Variants in TRIM26 observed in about 807,000 individuals in gnomAD.
The protein encoded by TRIM26 is tripartite motif containing 26.
A neutral mutation model predicts 45.5 loss-of-function variants in TRIM26; 16 were observed. That is an observed-to-expected ratio of 0.35 (90% confidence interval 0.24 to 0.53). The LOEUF is 0.53. Among genes scored for constraint, TRIM26 ranks in the 20% least tolerant of loss-of-function variants. The pLI is 0.92. For missense variants in TRIM26, 442 were observed against 691.1 expected (o/e 0.64, Z 4.04); for synonymous variants, 273 against 290.4 (o/e 0.94, Z 0.61).
rs1776710806 is a variant in TRIM26 at position 30,198,368 on chromosome 6, A to G, written c.534+61T>C. 6.3e-7 allele frequency: 1 copy of G among 1,589,994 alleles called. No individual in the cohort carries two copies. Among genetic ancestry groups the G allele is most frequent in the Non-Finnish European group, 8.6e-7 (1 of 1,161,800 alleles). On this transcript the variant is annotated intron_variant, in intron 5 of 9. Transcript: ENST00000454678. This position sits in a 1 kb window ranked among gnomAD's most constrained non-coding sequence, Gnocchi z 6.3. ...CCTCCCAGCTGCCGCCTACTTGCCC[A>G]GGCTCACCCTGCCCTACACGGGCGC...
intron 3 of TRIM26, 54 bp from the exon 4 acceptor site, chr6:30,199,318 C>T: frequency 2.1e-6 from 1 of 486,160 alleles, no homozygotes; most frequent in Non-Finnish European, 3.6e-6. Context: ...TCTAGTCCAA[C>T]TTCCTCATTG....
chr6:30,189,461 T>G lies in TRIM26; in HGVS notation c.861A>C (p.Ser287=). The part of the protein sequence containing the change: ...RVVKKKTGEF[S]DKLLSLQRGL... ...CTCGTTGCAGAGAGAGGAGTTTATC[T>G]GAGAATTCTCCGGTCTTTTTTTTAA... Residue 287 remains serine, a synonymous_variant, in exon 8 of 10, where the codon TCA becomes TCC. Transcript: ENST00000454678. The surrounding 1 kb of genome is among the most constrained non-coding windows in gnomAD (Gnocchi z 5.0). The G allele has an allele frequency of 6.2e-7, 1 of 1,613,092 alleles. No individual in the cohort carries two copies. Among genetic ancestry groups the G allele is most frequent in the Non-Finnish European group, 8.5e-7 (1 of 1,180,040 alleles).
At chr6:30,199,408 GT>G in intron 3 of TRIM26, 144 bp from the exon 4 acceptor site, 1 of 367,786 alleles carries the variant, frequency 2.7e-6, no homozygotes, top group Non-Finnish European at 4.8e-6. Context: ...ATACCTTGCT[GT>G]TGGGAGAGCC....
rs1175396110 is a variant in TRIM26 at position 30,185,152 on chromosome 6, T to C, written c.*724A>G. 2 of 152,224 alleles carry C rather than the reference T, an allele frequency of 1.3e-5. No individual in the cohort carries two copies. Among genetic ancestry groups the C allele is most frequent in the Non-Finnish European group, 2.9e-5 (2 of 68,056 alleles). The allele number at this position is 152,224 out of a possible 1,614,324, so 9.4% of individuals were successfully genotyped here. A position where few individuals can be genotyped will look rare whatever the true frequency, so the allele number is the denominator to read the frequency against. On this transcript the variant is annotated 3_prime_UTR_variant, in exon 10 of 10. Coordinates refer to ENST00000454678, the MANE Select transcript of TRIM26 (RefSeq NM_003449.5). The surrounding 1 kb of genome is among the most constrained non-coding windows in gnomAD (Gnocchi z 5.7). Reference sequence around the variant, plus strand: ...GACCAATCTAGAGATAATTTATTGATCAGTGATCACAGCTTGTACCCCAAA... The same window carrying C: ...GACCAATCTAGAGATAATTTATTGACCAGTGATCACAGCTTGTACCCCAAA...
chr6:30,185,581 G>A lies in TRIM26; in HGVS notation c.*295C>T, dbSNP rs527662697. On this transcript the variant is annotated 3_prime_UTR_variant, in exon 10 of 10. Coordinates refer to ENST00000454678, the MANE Select transcript of TRIM26 (RefSeq NM_003449.5). This position sits in a 1 kb window ranked among gnomAD's most constrained non-coding sequence, Gnocchi z 5.7. The stretch of plus-strand genomic sequence containing the variant: ...TCGGGCCCTTATTCCAGAGAGTGCA[G>A]AGCTGGGGCCAAGGTCGTGGTCAAA... 5 of 484,648 alleles carry A rather than the reference G, an allele frequency of 1.0e-5. No homozygotes were observed. Among genetic ancestry groups the A allele is most frequent in the African/African-American group, 9.8e-5 (5 of 51,168 alleles). The allele number at this position is 484,648 out of a possible 1,614,324, so 30.0% of individuals were successfully genotyped here. A position where few individuals can be genotyped will look rare whatever the true frequency, so the allele number is the denominator to read the frequency against.
Position 30,213,114 on chromosome 6 carries a change from T to C in TRIM26, c.-376+191A>G, listed in dbSNP as rs138432050. Among the ~76,000 whole-genome samples, 1,075 of 151,972 alleles carry C rather than the reference T, an allele frequency of 7.1e-3. 9 individuals carry two copies. The highest frequency in any genetic ancestry group is 0.025 in the African/African-American group (1,051 of 41,428). On this transcript the variant is annotated intron_variant, in intron 1 of 9. Coordinates refer to ENST00000454678, the MANE Select transcript of TRIM26 (RefSeq NM_003449.5). ...GAAAGACCCAAGAGGAGGGGGAGAA[T>C]GTAAGGACAAGCAAACAGGAGGGAT...
Position 30,186,110 on chromosome 6 carries a change from C to G in TRIM26, c.1386G>C (p.Ala462=), listed in dbSNP as rs148285656. ...AGATGCCGGAGGAGGAGAGGCGCAG[C>G]GCCCACACGCCATCCTCTGGCCGCA... The part of the protein sequence containing the change: ...LSLRPEDGVW[A]LRLSSSGIWA... Residue 462 remains alanine (A), a synonymous_variant, in exon 10 of 10, where the codon GCG becomes GCC. Coordinates refer to ENST00000454678, the MANE Select transcript of TRIM26 (RefSeq NM_003449.5). This position sits in a 1 kb window ranked among gnomAD's most constrained non-coding sequence, Gnocchi z 7.4. 2.1e-3 allele frequency: 3,281 copies of G among 1,587,858 alleles called. 13 individuals are homozygous for G. Among genetic ancestry groups the G allele is most frequent in the African/African-American group, 0.012 (893 of 74,210 alleles).
At chr6:30,211,279 T>C (rs138035628) in intron 1 of TRIM26, among the ~76,000 whole-genome samples, 4 of 152,292 alleles carry the variant, frequency 2.6e-5, no homozygotes, top group Non-Finnish European at 5.9e-5. Context: ...ACACACACAA[T>C]TTTGGGGGGA....
rs373049343 is a variant in TRIM26 at position 30,187,796 on chromosome 6, T to C, written c.938-1238A>G. ...AGCCGGGCATGGTGGTGGGCACCTG[T>C]AGTCCCAGCTACTTAGGAGGCTGAG... On this transcript the variant is annotated intron_variant, in intron 9 of 9. Coordinates refer to ENST00000454678, the MANE Select transcript of TRIM26 (RefSeq NM_003449.5). Among the ~76,000 whole-genome samples, 9 of 149,508 alleles carry C rather than the reference T, an allele frequency of 6.0e-5. No homozygotes were observed. The East Asian group carries it at 1.0e-3, about 17-fold the overall frequency.
chr6:30,196,081 C>T lies in TRIM26; in HGVS notation c.765+435G>A, dbSNP rs1344494525. Reference sequence around the variant, plus strand: ...TCTCCCTTCCCCAGTTACCCTATCTCTTCCAGATCCTCTGGGTCTTTGAGA... The same window carrying T: ...TCTCCCTTCCCCAGTTACCCTATCTTTTCCAGATCCTCTGGGTCTTTGAGA... On this transcript the variant is annotated intron_variant, in intron 6 of 9. Transcript: ENST00000454678. The surrounding 1 kb of genome is among the most constrained non-coding windows in gnomAD (Gnocchi z 4.9). 6.6e-6 allele frequency among the ~76,000 whole-genome samples: 1 copy of T among 152,196 alleles called. No homozygotes were observed. Among genetic ancestry groups the T allele is most frequent in the African/African-American group, 2.4e-5 (1 of 41,446 alleles).
Position 30,198,855 on chromosome 6 carries a change from C to T in TRIM26, c.249G>A (p.Val83=), listed in dbSNP as rs143331737. 16,771 of 1,612,944 alleles carry T rather than the reference C, an allele frequency of 0.01. 831 individuals carry two copies. In the South Asian group the frequency reaches 0.12, roughly 12 times the overall value. Residue 83 remains valine (V), a synonymous_variant, in exon 4 of 10, where the codon GTG becomes GTA. Transcript: ENST00000454678. The surrounding 1 kb of genome is among the most constrained non-coding windows in gnomAD (Gnocchi z 6.3). ...CCTCTCCCGGCTGCCTGCCCTTGTC[C>T]ACCTTCAGCCGCTCAATGTTCTCCA... The part of the protein sequence containing the change: ...SLVENIERLK[V]DKGRQPGEVT...
In TRIM26 at chr6:30,196,882, G is replaced by T; in HGVS notation, c.535-136C>A. On this transcript the variant is annotated intron_variant, in intron 5 of 9. Transcript: ENST00000454678. The surrounding 1 kb of genome is among the most constrained non-coding windows in gnomAD (Gnocchi z 4.9). Reference sequence around the variant, plus strand: ...TTCTACAGGATCTGGAGTGGGAGGAGCTACAGAGGGTTCCTGGTCCACACT... The same window carrying T: ...TTCTACAGGATCTGGAGTGGGAGGATCTACAGAGGGTTCCTGGTCCACACT... The T allele has an allele frequency of 1.3e-6, 1 of 782,396 alleles. No individual in the cohort carries two copies. Among genetic ancestry groups the T allele is most frequent in the Non-Finnish European group, 2.0e-6 (1 of 491,040 alleles). The allele number at this position is 782,396 out of a possible 1,614,324, so 48.5% of individuals were successfully genotyped here. A position where few individuals can be genotyped will look rare whatever the true frequency, so the allele number is the denominator to read the frequency against.
At chr6:30,205,149 G>A (rs985409594) in intron 1 of TRIM26, among the ~76,000 whole-genome samples, 3 of 152,184 alleles carry the variant, frequency 2.0e-5, no homozygotes, top group African/African-American at 4.8e-5. Context: ...GCTGAGGCAG[G>A]AGAATCGCTT....
intron 1 of TRIM26, among the ~76,000 whole-genome samples, chr6:30,212,821 A>G (rs1018360887): frequency 1.3e-5 from 2 of 151,828 alleles, no homozygotes; most frequent in Non-Finnish European, 2.9e-5. Flanking sequence ...TTCTAAGGCC[A>G]AATAGGGAGA....
At chr6:30,201,174 T>A (rs548312483) in intron 2 of TRIM26, 36 bp from the exon 3 acceptor site, 5 of 152,332 alleles carry the variant, frequency 3.3e-5, no homozygotes, top group Admixed American at 6.5e-5. Context: ...TTAATGATTA[T>A]GTATGGTGAA....
In TRIM26 at chr6:30,207,560, A is replaced by G. The variant is rs1368408682; in HGVS notation, c.-375-2795T>C. ...AACTGCCAATCTGCCCGGGTGACCA[A>G]CCAGGTTAAACCCCTCAATGGCTTT... On this transcript the variant is annotated intron_variant, in intron 1 of 9. Transcript: ENST00000454678. This position sits in a 1 kb window ranked among gnomAD's most constrained non-coding sequence, Gnocchi z 4.9. Among the ~76,000 whole-genome samples, 1 of 152,164 alleles carries G rather than the reference A, an allele frequency of 6.6e-6. No individual in the cohort carries two copies. The highest frequency in any genetic ancestry group is 1.5e-5 in the Non-Finnish European group (1 of 68,018).
Position 30,198,617 on chromosome 6 carries a change from A to G in TRIM26, c.438+49T>C, listed in dbSNP as rs1465581061. 1.2e-6 allele frequency: 2 copies of G among 1,608,016 alleles called. No individual in the cohort carries two copies. Among genetic ancestry groups the G allele is most frequent in the East Asian group, 2.2e-5 (1 of 44,848 alleles). ...GAGTCCTCTGAGGACTGCAAGGTGG[A>G]GCATCCAGAGAAGGTGGCAAGGCAC... On this transcript the variant is annotated intron_variant, in intron 4 of 9. Transcript: ENST00000454678. The surrounding 1 kb of genome is among the most constrained non-coding windows in gnomAD (Gnocchi z 6.3).
At position 30,189,413 on chromosome 6, in the gene TRIM26, C is replaced by A. The variant is rs776873169; in HGVS notation, c.904+5G>T. On this transcript the variant is annotated splice_donor_5th_base_variant and intron_variant, in intron 8 of 9. Transcript: ENST00000454678. This position sits in a 1 kb window ranked among gnomAD's most constrained non-coding sequence, Gnocchi z 5.0. ...CCCACCCTTTGTGCGCTCCCCAACC[C>A]TTACCCTGGAATTCCCTCAGGCCTC... The A allele has an allele frequency of 3.3e-5, 53 of 1,612,808 alleles. 1 individual carries two copies. In the East Asian group the frequency reaches 1.2e-3, roughly 36 times the overall value.
At chr6:30,191,523 T>TA (rs5875242) in intron 6 of TRIM26, among the ~76,000 whole-genome samples, 26,009 of 151,642 alleles carry the variant, frequency 0.17, 2,859 homozygotes, top group Non-Finnish European at 0.23. Context: ...ACGTGAGTGA[T>TA]ACGCACCACG....
Sources: gnomAD v4.1 joint callset for allele counts (sites outside exome capture counted in the v4.1 genomes callset) on GRCh38, gnomAD v4.1.1 for gene constraint, Gnocchi (gnomAD v3.1) non-coding constraint, MANE v1.5 for transcripts, NCBI Gene and HGNC (gene_info 2026-07-23, HGNC 2026-07-21) for gene names.